The following FAT4 variants were observed in gnomAD, a reference collection of about 807,000 sequenced individuals.
The protein encoded by FAT4 is FAT atypical cadherin 4.
FAT4 carries 84 observed loss-of-function variants against 303.9 expected under a neutral mutation model. The observed-to-expected ratio is 0.28, with a 90% CI of 0.23 to 0.33. The LOEUF is 0.33. Ranked by LOEUF, FAT4 falls within the 10% of genes least tolerant of loss-of-function variation. FAT4 has a pLI of 1.00. For synonymous variants in FAT4, 2,307 were observed against 2,298.8 expected, an observed-to-expected ratio of 1.00 and a Z score of -0.10; for missense variants, 6,005 against 6,146.8, an observed-to-expected ratio of 0.98 and a Z score of 0.77.
chr4:125,358,191 CTGTTA>C (rs1732511279), intron 2 of FAT4, among the ~76,000 whole-genome samples: 1 of 151,622 alleles, frequency 6.6e-6, no homozygotes, highest in Non-Finnish European at 1.5e-5. Flanking sequence ...ACAAATTTAC[CTGTTA>C]TGTTAGGAGA....
chr4:125,359,105 C>G (rs2125983651), intron 2 of FAT4, among the ~76,000 whole-genome samples: 1 of 152,202 alleles, frequency 6.6e-6, no homozygotes, highest in South Asian at 2.1e-4. Context: ...GCATAAATAT[C>G]TATATAGAAT....
Position 125,316,876 on chromosome 4 carries a change from C to T in FAT4, c.465C>T (p.Ile155=). 6.2e-7 allele frequency: 1 copy of T among 1,614,034 alleles called. No individual in the cohort carries two copies. The highest frequency in any genetic ancestry group is 8.5e-7 in the Non-Finnish European group (1 of 1,180,032). The stretch of plus-strand genomic sequence containing the variant: ...ACAGTAGCAGCGGACGCCAAGTCAT[C>T]TTAGACACCGCCACCGACTCGGACA... ...KEDSSSGRQV[I]LDTATDSDIG... The change falls in exon 2 of 18, where the codon ATC becomes ATT. Residue 155 remains isoleucine, a synonymous_variant. Transcript: ENST00000394329. This position sits in a 1 kb window ranked among gnomAD's most constrained non-coding sequence, Gnocchi z 5.7.
intron 10 of FAT4, among the ~76,000 whole-genome samples, chr4:125,462,625 A>G (rs1309888767): frequency 6.6e-6 from 1 of 152,012 alleles, no homozygotes; most frequent in Non-Finnish European, 1.5e-5. Context: ...TCCAAGTTTT[A>G]TACACCACGT....
In FAT4 at chr4:125,319,857, A is replaced by G; in HGVS notation, c.3446A>G (p.His1149Arg). The change falls in exon 2 of 18, where the codon CAT (histidine) becomes CGT (arginine). Residue 1149 changes from histidine (H) to arginine (R), a missense_variant. By Grantham distance (29) the His-to-Arg change is conservative. Transcript: ENST00000394329. ...ATGGTGCAGCCAGATTTTGAGTTGCATGCCATCAGTGGGGAAATTACAAAT... is the reference window on the plus strand; with the variant it reads ...ATGGTGCAGCCAGATTTTGAGTTGCGTGCCATCAGTGGGGAAATTACAAAT... ...FEMVQPDFEL[H>R]AISGEITNTH... 1.9e-6 allele frequency: 3 copies of G among 1,614,166 alleles called. No homozygotes were observed. Among genetic ancestry groups the G allele is most frequent in the Non-Finnish European group, 2.5e-6 (3 of 1,179,998 alleles).
At chr4:125,367,372 A>G (rs2125989136) in intron 2 of FAT4, among the ~76,000 whole-genome samples, 1 of 152,300 alleles carries the variant, frequency 6.6e-6, no homozygotes, top group South Asian at 2.1e-4. Context: ...GAGGAAATGA[A>G]GAACACAAAG....
At chr4:125,476,297 AT>A in intron 13 of FAT4, 41 bp downstream of exon 13, 2 of 1,163,506 alleles carry the variant, frequency 1.7e-6, no homozygotes, top group Non-Finnish European at 2.4e-6. Context: ...ATTACTTAAA[AT>A]TTTTTAAAAT....
At position 125,462,765 on chromosome 4, in the gene FAT4, T is replaced by G. The variant is rs927833780; in HGVS notation, c.11801-798T>G. 6.6e-5 allele frequency among the ~76,000 whole-genome samples: 10 copies of G among 152,160 alleles called. No homozygotes were observed. The South Asian group carries it at 1.0e-3, about 16-fold the overall frequency. ...AGGCTTTTATTCTTCACTTTTGAAA[T>G]GTAAATATTTCCTTTGTATGGATTA... is the stretch of plus-strand genomic sequence containing the variant. On this transcript the variant is annotated intron_variant, in intron 10 of 17. Transcript: ENST00000394329.
intron 2 of FAT4, among the ~76,000 whole-genome samples, chr4:125,327,637 A>G (rs1162973389): frequency 3.3e-5 from 5 of 152,204 alleles, no homozygotes; most frequent in Admixed American, 1.3e-4. Flanking sequence ...TATTTTATAT[A>G]TATCTTCAGG....
At chr4:125,337,224 T>A (rs2125964139) in intron 2 of FAT4, among the ~76,000 whole-genome samples, 1 of 152,170 alleles carries the variant, frequency 6.6e-6, no homozygotes, top group Non-Finnish European at 1.5e-5. Flanking sequence ...TTTGTTTGGA[T>A]TATAGTGAAT....
chr4:125,380,934 T>G (rs181917058), intron 2 of FAT4, among the ~76,000 whole-genome samples: 123 of 152,328 alleles, frequency 8.1e-4, no homozygotes, highest in African/African-American at 2.5e-3. Context: ...CATTTGCTTT[T>G]TTAATAAACT....
chr4:125,397,657 T>C (rs2126011792), intron 2 of FAT4, among the ~76,000 whole-genome samples: 1 of 152,312 alleles, frequency 6.6e-6, no homozygotes, highest in South Asian at 2.1e-4. Flanking sequence ...TTTTATAAAT[T>C]GCTCATTTAT....
chr4:125,478,570 C>T (rs996793883), intron 14 of FAT4, among the ~76,000 whole-genome samples: 4 of 152,030 alleles, frequency 2.6e-5, no homozygotes, highest in Non-Finnish European at 5.9e-5. Flanking sequence ...CTTGTTCTGT[C>T]GCCCAGGCTG....
At chr4:125,418,100 G>A (rs1312153099) in intron 7 of FAT4, among the ~76,000 whole-genome samples, 1 of 152,140 alleles carries the variant, frequency 6.6e-6, no homozygotes, top group Admixed American at 6.5e-5. Flanking sequence ...TCATTCAAAA[G>A]TCAAACTTGT....
intron 3 of FAT4, among the ~76,000 whole-genome samples, chr4:125,401,131 GTTGT>G (rs1734373008): frequency 1.3e-5 from 2 of 151,962 alleles, no homozygotes; most frequent in Non-Finnish European, 2.9e-5. Flanking sequence ...AGCTCACAAA[GTTGT>G]TTGTCTTCTT....
Position 125,490,160 on chromosome 4 carries a change from C to T in FAT4, c.13344C>T (p.His4448=), listed in dbSNP as rs1727566035. The stretch of plus-strand genomic sequence containing the variant: ...GTGGCAGCTGTGAGCCAGGCCTGCA[C>T]TCCGGCTTCACCTGTAGCTGCCCAG... The part of the protein sequence containing the change: ...QNGGSCEPGL[H]SGFTCSCPDS... The change falls in exon 18 of 18, where the codon CAC becomes CAT. Residue 4448 remains histidine (H), a synonymous_variant. Coordinates refer to ENST00000394329, the MANE Select transcript of FAT4 (RefSeq NM_001291303.3). The T allele has an allele frequency of 1.2e-6, 2 of 1,614,140 alleles. No homozygotes were observed. The highest frequency in any genetic ancestry group is 1.7e-6 in the Non-Finnish European group (2 of 1,180,040).
chr4:125,321,965 C>T (rs561468812), intron 2 of FAT4, among the ~76,000 whole-genome samples: 1 of 152,254 alleles, frequency 6.6e-6, no homozygotes, highest in South Asian at 2.1e-4. Flanking sequence ...TTAAGAAGAC[C>T]TATTCCAAAA....
In FAT4 at chr4:125,457,144, CACACACACACA is replaced by C. The variant is rs1286822835; in HGVS notation, c.11800+4335_11800+4345del. Among the ~76,000 whole-genome samples the C allele has an allele frequency of 6.9e-5, 9 of 129,870 alleles. 1 individual carries two copies. The highest frequency in any genetic ancestry group is 1.2e-4 in the African/African-American group (4 of 33,008). 85.2% of individuals were successfully genotyped at this position (129,870 alleles called of 152,430 possible). On this transcript the variant is annotated intron_variant, in intron 10 of 17. Coordinates refer to ENST00000394329, the MANE Select transcript of FAT4 (RefSeq NM_001291303.3). ...TCATACACACACACACACACACACA[CACACACACACA>C]CCACTGAGTATTTTATGTGGATTTA...
chr4:125,349,581 A>G (rs1212906464), intron 2 of FAT4, among the ~76,000 whole-genome samples: 3 of 151,762 alleles, frequency 2.0e-5, no homozygotes, highest in Non-Finnish European at 4.4e-5. Flanking sequence ...AGAGAGATTT[A>G]TGGTGACATA....
At chr4:125,339,583 A>G (rs937093876) in intron 2 of FAT4, among the ~76,000 whole-genome samples, 2 of 152,156 alleles carry the variant, frequency 1.3e-5, no homozygotes, top group African/African-American at 2.4e-5. Flanking sequence ...CTACCTCTAA[A>G]ACAACTAAAA....
Sources: gnomAD v4.1 joint callset for allele counts (sites outside exome capture counted in the v4.1 genomes callset) on GRCh38, gnomAD v4.1.1 for gene constraint, Gnocchi (gnomAD v3.1) non-coding constraint, MANE v1.5 for transcripts, NCBI Gene and HGNC (gene_info 2026-07-23, HGNC 2026-07-21) for gene names.